SLC24A2: variants seen among roughly 807,000 people sequenced by gnomAD.
SLC24A2 encodes the protein solute carrier family 24 member 2.
In SLC24A2, 36 loss-of-function variants were observed where a neutral mutation model predicts 62.0. The observed-to-expected ratio is 0.58, with a 90% CI of 0.44 to 0.77. The LOEUF (loss-of-function observed/expected upper bound fraction) is 0.77. Ranked by LOEUF, SLC24A2 falls within the 30% of genes least tolerant of loss-of-function variation. The pLI, the probability that SLC24A2 is intolerant of heterozygous loss-of-function variation, is 0.00. For missense variants in SLC24A2, 846 were observed against 817.9 expected (o/e 1.03, Z -0.42); for synonymous variants, 358 against 294.0 (o/e 1.22, Z -2.23).
At chr9:19,690,377 G>C (rs938630667) in intron 2 of SLC24A2, among the ~76,000 whole-genome samples, 14 of 152,086 alleles carry the variant, frequency 9.2e-5, no homozygotes, top group Non-Finnish European at 2.9e-5. Flanking sequence ...TGGGCTGTAG[G>C]GCTTGCAGGG....
At chr9:20,009,851 C>T in the SLC24A2 span, among the ~76,000 whole-genome samples, 1 of 152,130 alleles carries the variant, frequency 6.6e-6, no homozygotes, top group Non-Finnish European at 1.5e-5. Context: ...GGCCAGCAGG[C>T]AAGCCCATAC....
the SLC24A2 span, among the ~76,000 whole-genome samples, chr9:19,939,522 G>A: frequency 5.3e-5 from 8 of 152,202 alleles, no homozygotes; most frequent in Admixed American, 3.9e-4. Context: ...ACCACGCCTG[G>A]AGCTTGCAGG....
At chr9:20,249,594 A>T in the SLC24A2 span, among the ~76,000 whole-genome samples, 1 of 151,016 alleles carries the variant, frequency 6.6e-6, no homozygotes, top group Admixed American at 6.6e-5. Flanking sequence ...AGTCCCAGCT[A>T]CTTGGGAGAC....
chr9:19,556,055 G>A (rs945893855), intron 7 of SLC24A2, among the ~76,000 whole-genome samples: 1 of 152,140 alleles, frequency 6.6e-6, no homozygotes, highest in Non-Finnish European at 1.5e-5. Context: ...AAATCTGGAG[G>A]CTCGGCCATC....
the SLC24A2 span, among the ~76,000 whole-genome samples, chr9:20,093,403 C>T: frequency 6.6e-6 from 1 of 151,944 alleles, no homozygotes; most frequent in Non-Finnish European, 1.5e-5. Context: ...ATTTAGTCTC[C>T]TTTTCTTTTT....
At chr9:19,626,501 C>T (rs1271894424) in intron 2 of SLC24A2, among the ~76,000 whole-genome samples, 1 of 152,172 alleles carries the variant, frequency 6.6e-6, no homozygotes, top group Non-Finnish European at 1.5e-5. Flanking sequence ...CAGCTATAAA[C>T]TTCCACCACT....
chr9:20,169,385 G>A, the SLC24A2 span, among the ~76,000 whole-genome samples: 1 of 151,974 alleles, frequency 6.6e-6, no homozygotes, highest in East Asian at 1.9e-4. Flanking sequence ...AATAAATCAG[G>A]AAAGTGAAGA....
At chr9:20,087,536 G>T in the SLC24A2 span, among the ~76,000 whole-genome samples, 2 of 152,174 alleles carry the variant, frequency 1.3e-5, no homozygotes, top group African/African-American at 4.8e-5. Flanking sequence ...ATCTCAAAGA[G>T]AGATAATATT....
At chr9:19,666,139 C>T (rs1352237882) in intron 2 of SLC24A2, among the ~76,000 whole-genome samples, 2 of 152,138 alleles carry the variant, frequency 1.3e-5, no homozygotes, top group Non-Finnish European at 2.9e-5. Context: ...GGCACAGTGG[C>T]TCACATCTGT....
the SLC24A2 span, among the ~76,000 whole-genome samples, chr9:20,129,262 A>G: frequency 6.6e-6 from 1 of 152,138 alleles, no homozygotes; most frequent in Non-Finnish European, 1.5e-5. Flanking sequence ...CACCCATGAG[A>G]ATGGCTATAA....
At chr9:19,711,891 G>A (rs755050748) in intron 2 of SLC24A2, among the ~76,000 whole-genome samples, 6 of 152,096 alleles carry the variant, frequency 3.9e-5, no homozygotes, top group East Asian at 1.9e-4. Context: ...AGCTCTAAAC[G>A]CAAGTTGCCA....
At chr9:20,268,082 T>C in the SLC24A2 span, among the ~76,000 whole-genome samples, 1 of 152,138 alleles carries the variant, frequency 6.6e-6, no homozygotes, top group African/African-American at 2.4e-5. Flanking sequence ...GGGAAATGAG[T>C]AGCCTGAGGT....
At chr9:20,104,662 C>T in the SLC24A2 span, among the ~76,000 whole-genome samples, 1 of 151,734 alleles carries the variant, frequency 6.6e-6, no homozygotes, top group East Asian at 2.0e-4. Flanking sequence ...GAGATTTTGT[C>T]ACCACCAGGC....
At chr9:20,157,519 T>C in the SLC24A2 span, among the ~76,000 whole-genome samples, 1 of 151,658 alleles carries the variant, frequency 6.6e-6, no homozygotes, top group African/African-American at 2.4e-5. Flanking sequence ...GCTAAAATAC[T>C]GAGCACATAT....
At chr9:19,909,369 T>C in the SLC24A2 span, among the ~76,000 whole-genome samples, 5 of 152,016 alleles carry the variant, frequency 3.3e-5, no homozygotes, top group Non-Finnish European at 7.4e-5. Flanking sequence ...CATTAGGAGA[T>C]ATACCTAATG....
At chr9:19,654,617 G>T (rs142448389) in intron 2 of SLC24A2, among the ~76,000 whole-genome samples, 79 of 152,224 alleles carry the variant, frequency 5.2e-4, no homozygotes, top group African/African-American at 1.9e-3. Flanking sequence ...ACATTTGTCC[G>T]GCAGGTCTGG....
the SLC24A2 span, among the ~76,000 whole-genome samples, chr9:19,859,351 G>A: frequency 6.6e-6 from 1 of 152,092 alleles, no homozygotes; most frequent in Non-Finnish European, 1.5e-5. Context: ...ACTTGAGGGT[G>A]GATGATGGGA....
the SLC24A2 span, among the ~76,000 whole-genome samples, chr9:19,855,216 G>A: frequency 5.3e-5 from 8 of 152,012 alleles, no homozygotes; most frequent in African/African-American, 9.7e-5. Flanking sequence ...TGAATACAGC[G>A]CACTGATGGG....
At chr9:20,186,290 T>G in the SLC24A2 span, among the ~76,000 whole-genome samples, 40 of 152,304 alleles carry the variant, frequency 2.6e-4, no homozygotes, top group East Asian at 5.2e-3. Context: ...GATTTCCCTG[T>G]GCCTCTATCC....
Sources: allele counts gnomAD v4.1 joint callset (sites outside exome capture counted in the v4.1 genomes callset), GRCh38; gene constraint gnomAD v4.1.1; transcripts MANE v1.5; gene names NCBI Gene and HGNC (gene_info 2026-07-23, HGNC 2026-07-21).